ACSM6: variants seen among roughly 807,000 people sequenced by gnomAD.
ACSM6 encodes the protein acyl-coenzyme A synthetase ACSM6, mitochondrial.
In ACSM6, 35 loss-of-function variants were observed where a neutral mutation model predicts 51.1. The ratio of observed to expected loss-of-function variants is 0.69; its 90% CI spans 0.52 to 0.91. The LOEUF (loss-of-function observed/expected upper bound fraction) is 0.91, where lower values mean the gene tolerates loss of function less well. ACSM6 is among the 40% of genes least tolerant of loss of function. The probability of loss-of-function intolerance (pLI) is 0.00; values close to 1 mark genes in which losing one functional copy is unlikely to be tolerated. For synonymous variants in ACSM6, 172 were observed against 207.3 expected (o/e 0.83, Z 1.46); for missense variants, 509 against 584.1 (o/e 0.87, Z 1.32).
At chr10:95,200,353 G>A (rs1346001778) in intron 2 of ACSM6, among the ~76,000 whole-genome samples, 1 of 122,046 alleles carries the variant, frequency 8.2e-6, no homozygotes, top group Admixed American at 9.0e-5. Context: ...GTTGTGGGGT[G>A]GGGGGAGGGG....
chr10:95,228,487 T>G, intron 10 of ACSM6, 157 bp from the exon 11 acceptor site: 139 of 572,098 alleles, frequency 2.4e-4, no homozygotes, highest in South Asian at 3.3e-4. Flanking sequence ...AAGTTCTCCG[T>G]GTTTGTTGAG....
chr10:95,207,831 C>T (rs2034858028), intron 4 of ACSM6, among the ~76,000 whole-genome samples: 1 of 152,094 alleles, frequency 6.6e-6, no homozygotes, highest in Non-Finnish European at 1.5e-5. Context: ...AAATCATGGT[C>T]GCACATGGTG....
chr10:95,195,339 A>T (rs940534646), intron 2 of ACSM6, among the ~76,000 whole-genome samples: 1 of 152,218 alleles, frequency 6.6e-6, no homozygotes, highest in Non-Finnish European at 1.5e-5. Flanking sequence ...CAAAAAGACA[A>T]GGGAAAGACT....
chr10:95,201,884 T>C (rs182733896), intron 2 of ACSM6, 101 bp from the exon 3 acceptor site: 3 of 995,714 alleles, frequency 3.0e-6, no homozygotes, highest in African/African-American at 3.2e-5. Flanking sequence ...TCCTAGCCTC[T>C]CAAGATCTAG....
chr10:95,225,222 T>G (rs1007478512), intron 9 of ACSM6, 68 bp from the exon 10 acceptor site: 3 of 1,131,228 alleles, frequency 2.7e-6, no homozygotes, highest in Non-Finnish European at 3.9e-6. Flanking sequence ...AGTTTAGATC[T>G]TGTGGTGTTT....
Position 95,194,742 on chromosome 10 carries a change from T to C in ACSM6, c.192+65T>C, listed in dbSNP as rs2034708811. On this transcript the variant is annotated intron_variant, in intron 2 of 10. Transcript: ENST00000341686. Reference sequence around the variant, plus strand: ...GGCCAGTTGGTAAAGCGTCCAAAGATCATGAGATTCATATCCCATCTATGG... The same window carrying C: ...GGCCAGTTGGTAAAGCGTCCAAAGACCATGAGATTCATATCCCATCTATGG... 6 of 1,405,000 alleles carry C rather than the reference T, an allele frequency of 4.3e-6. No individual in the cohort carries two copies. In the Admixed American group the frequency reaches 1.2e-4, roughly 27 times the overall value. 87.0% of individuals were successfully genotyped at this position (1,405,000 alleles called of 1,614,324 possible).
intron 8 of ACSM6, among the ~76,000 whole-genome samples, chr10:95,216,375 C>T (rs962633027): frequency 6.6e-6 from 1 of 152,086 alleles, no homozygotes; most frequent in Non-Finnish European, 1.5e-5. Flanking sequence ...TTTGAGGAGA[C>T]ACATCACACT....
At chr10:95,200,195 T>C (rs997300591) in intron 2 of ACSM6, among the ~76,000 whole-genome samples, 1 of 151,816 alleles carries the variant, frequency 6.6e-6, no homozygotes, top group Non-Finnish European at 1.5e-5. Flanking sequence ...ATGTCCTTTG[T>C]AGGGACATGG....
At chr10:95,207,491 TG>T in intron 4 of ACSM6, 76 bp downstream of exon 4, 1 of 1,425,164 alleles carries the variant, frequency 7.0e-7, no homozygotes, top group Non-Finnish European at 9.8e-7. Flanking sequence ...TATGAGAAAG[TG>T]GTGTGAGTGG....
chr10:95,210,746 C>A, exon 5 of ACSM6: 3 of 1,613,934 alleles, frequency 1.9e-6, no homozygotes, highest in South Asian at 2.2e-5. Context: ...CCAAAATGGT[C>A]GAGTATTCCC....
In ACSM6 at chr10:95,212,014, T is replaced by C. The variant is rs761561512; in HGVS notation, c.892T>C (p.Cys298Arg). 6.2e-7 allele frequency: 1 copy of C among 1,614,108 alleles called. No individual in the cohort carries two copies. The highest frequency in any genetic ancestry group is 1.1e-5 in the South Asian group (1 of 91,086). ...GTTTCTGTGTCACATGCCAACCTTC[T>C]GCCCTGAGACTGTTCTAAATGTAAG... Residue 298 changes from cysteine to arginine, a missense_variant, in exon 6 of 11, where the codon TGC becomes CGC. Transcript: ENST00000341686.
chr10:95,199,554 G>C (rs1224115592), intron 2 of ACSM6, among the ~76,000 whole-genome samples: 3 of 152,048 alleles, frequency 2.0e-5, no homozygotes, highest in Non-Finnish European at 2.9e-5. Flanking sequence ...CACCATCAGA[G>C]TGAACAGGCA....
Position 95,220,856 on chromosome 10 carries a change from A to G in ACSM6, c.1200+885A>G, listed in dbSNP as rs1179910752. Among the ~76,000 whole-genome samples the G allele has an allele frequency of 2.0e-5, 3 of 151,718 alleles. No homozygotes were observed. The East Asian group carries it at 5.8e-4, about 29-fold the overall frequency. ...TACATTATATTAAATGTGTTTTCTG[A>G]TCCTATTAAAAAGGTAAAATAGTTT... On this transcript the variant is annotated intron_variant, in intron 9 of 10. Coordinates refer to ENST00000341686, the Ensembl canonical transcript of ACSM6.
At chr10:95,224,151 G>T (rs1203118317) in intron 9 of ACSM6, among the ~76,000 whole-genome samples, 1 of 152,112 alleles carries the variant, frequency 6.6e-6, no homozygotes, top group Non-Finnish European at 1.5e-5. Flanking sequence ...AAAGTCTAAA[G>T]TTCGTCATCA....
chr10:95,201,317 C>T, intron 2 of ACSM6: 1 of 370,878 alleles, frequency 2.7e-6, no homozygotes, highest in Non-Finnish European at 5.4e-6. Flanking sequence ...AACTTCACTC[C>T]CCTCCAGCCT....
intron 3 of ACSM6, among the ~76,000 whole-genome samples, chr10:95,205,557 A>G (rs1021706268): frequency 2.0e-5 from 3 of 152,198 alleles, no homozygotes; most frequent in Non-Finnish European, 4.4e-5. Context: ...CTTGGAGTTT[A>G]GAATCTCAAC....
intron 8 of ACSM6, among the ~76,000 whole-genome samples, chr10:95,218,117 T>C (rs759049646): frequency 3.9e-5 from 6 of 152,238 alleles, no homozygotes; most frequent in Non-Finnish European, 7.3e-5. Context: ...TTTATCTTTC[T>C]TTTTATGAAA....
Position 95,194,666 on chromosome 10 carries a change from C to T in ACSM6, c.181C>T (p.Gln61Ter). 6.4e-7 allele frequency: 1 copy of T among 1,551,706 alleles called. No individual in the cohort carries two copies. ...AAAGGATGTGTTGGATCAGTGGTCCCAGCTGGAAAAGGTAAAACTTGTTGT... is the reference window on the plus strand; with the variant it reads ...AAAGGATGTGTTGGATCAGTGGTCCTAGCTGGAAAAGGTAAAACTTGTTGT... The change falls in exon 2 of 11, where the codon CAG becomes TAG. Residue 61 changes from glutamine (Q) to a stop codon, truncating the protein, a stop_gained. Coordinates refer to ENST00000341686, the Ensembl canonical transcript of ACSM6. LOFTEE classifies it high-confidence loss of function.
chr10:95,215,779 G>T (rs192044147), intron 8 of ACSM6, among the ~76,000 whole-genome samples: 1 of 152,322 alleles, frequency 6.6e-6, no homozygotes, highest in East Asian at 1.9e-4. Context: ...CTAGAGGCTG[G>T]AAGTCCAAGA....
Sources: gnomAD v4.1 joint callset for allele counts (sites outside exome capture counted in the v4.1 genomes callset) on GRCh38, gnomAD v4.1.1 for gene constraint, MANE v1.5 for transcripts, NCBI Gene and HGNC (gene_info 2026-07-23, HGNC 2026-07-21) for gene names.